The following ANLN variants were observed in gnomAD, a reference collection of about 807,000 sequenced individuals.
ANLN encodes the protein anillin.
A neutral mutation model predicts 135.1 loss-of-function variants in ANLN; 59 were observed. That is an observed-to-expected ratio of 0.44 (90% CI 0.35 to 0.54). ANLN has a LOEUF of 0.54. Ranked by LOEUF, ANLN falls within the 20% of genes least tolerant of loss-of-function variation. ANLN has a pLI of 0.00. For missense variants in ANLN, 1,182 were observed against 1,340.0 expected, an observed-to-expected ratio of 0.88 and a Z score of 1.84; for synonymous variants, 406 against 456.4, an observed-to-expected ratio of 0.89 and a Z score of 1.41.
chr7:36,432,271 CT>C (rs1232335717), intron 20 of ANLN, among the ~76,000 whole-genome samples: 2 of 152,138 alleles, frequency 1.3e-5, no homozygotes, highest in Non-Finnish European at 2.9e-5. Flanking sequence ...GGCAGATATC[CT>C]TTTTCTTCAC....
rs75829944 is a variant in ANLN at position 36,439,068 on chromosome 7, G to A, written c.2884-136G>A. The A allele has an allele frequency of 0.081, 54,612 of 675,660 alleles. 2,687 individuals carry two copies. The highest frequency in any genetic ancestry group is 0.1 in the Non-Finnish European group (39,830 of 379,732). 41.9% of individuals were successfully genotyped at this position (675,660 alleles called of 1,614,324 possible). On this transcript the variant is annotated intron_variant, in intron 20 of 23. Coordinates refer to ENST00000265748, the MANE Select transcript of ANLN (RefSeq NM_018685.5). ...AAGGAACCAATGGCTTTTTGGCCAT[G>A]TCTTTTATACTCCAACTTTAGAAAA...
rs1789327614 is a variant in ANLN at position 36,453,545 on chromosome 7, A to T, written c.*945A>T. 1 of 152,194 alleles carries T rather than the reference A, an allele frequency of 6.6e-6. No individual in the cohort carries two copies. The highest frequency in any genetic ancestry group is 1.5e-5 in the Non-Finnish European group (1 of 68,032). The allele number at this position is 152,194 out of a possible 1,614,324, so 9.4% of individuals were successfully genotyped here. On this transcript the variant is annotated 3_prime_UTR_variant, in exon 24 of 24. Coordinates refer to ENST00000265748, the MANE Select transcript of ANLN (RefSeq NM_018685.5). Reference sequence around the variant, plus strand: ...AAAGTGGAAAATTATTAAGTCACCTATCACCTTTAAACGCCTTTTTTTAAA... The same window carrying T: ...AAAGTGGAAAATTATTAAGTCACCTTTCACCTTTAAACGCCTTTTTTTAAA...
chr7:36,409,343 T>C (rs1398565266), intron 5 of ANLN, among the ~76,000 whole-genome samples: 1 of 152,160 alleles, frequency 6.6e-6, no homozygotes, highest in Non-Finnish European at 1.5e-5. Flanking sequence ...GTGGCTCAAA[T>C]TCTGCCCTTT....
intron 3 of ANLN, among the ~76,000 whole-genome samples, chr7:36,404,514 A>G (rs1787107385): frequency 6.6e-6 from 1 of 152,182 alleles, no homozygotes; most frequent in African/African-American, 2.4e-5. Flanking sequence ...TACGACAGCA[A>G]AACTCCATGA....
At chr7:36,451,881 A>G (rs1183570090) in intron 23 of ANLN, among the ~76,000 whole-genome samples, 1 of 152,246 alleles carries the variant, frequency 6.6e-6, no homozygotes, top group Non-Finnish European at 1.5e-5. Context: ...GTAGCTAAAT[A>G]TGGATGAAAG....
intron 20 of ANLN, among the ~76,000 whole-genome samples, chr7:36,433,030 G>A (rs1410931630): frequency 6.6e-6 from 1 of 152,038 alleles, no homozygotes; most frequent in African/African-American, 2.4e-5. Flanking sequence ...TTTCCAGGCT[G>A]GCCGTGAACT....
chr7:36,417,486 T>A (rs1240706713), intron 9 of ANLN, among the ~76,000 whole-genome samples: 1 of 152,058 alleles, frequency 6.6e-6, no homozygotes, highest in Non-Finnish European at 1.5e-5. Context: ...TATGTTTTCC[T>A]CTGTTTTCAT....
In ANLN at chr7:36,417,162, A is replaced by C. The variant is rs1787678162; in HGVS notation, c.1605A>C (p.Thr535=). The change falls in exon 9 of 24, where the codon ACA becomes ACC. Residue 535 remains threonine, a synonymous_variant. Transcript: ENST00000265748. The part of the protein sequence containing the change: ...FLEEDKSLKV[T]SDPKVEQKIE... ...AAGAGGACAAATCCTTAAAAGTAAC[A>C]TCAGACCCAAAGGTTGAGCAGAAAA... is the stretch of plus-strand genomic sequence containing the variant. 1.2e-6 allele frequency: 2 copies of C among 1,607,630 alleles called. No individual in the cohort carries two copies. Among genetic ancestry groups the C allele is most frequent in the Non-Finnish European group, 1.7e-6 (2 of 1,177,214 alleles).
At chr7:36,408,443 C>A (rs1266749187) in intron 5 of ANLN, among the ~76,000 whole-genome samples, 1 of 152,056 alleles carries the variant, frequency 6.6e-6, no homozygotes, top group African/African-American at 2.4e-5. Context: ...GAAAAAATTG[C>A]TGTTTATTGA....
At chr7:36,443,889 T>C in intron 22 of ANLN, 27 bp downstream of exon 22, 3 of 1,494,764 alleles carry the variant, frequency 2.0e-6, no homozygotes, top group South Asian at 1.2e-5. Context: ...TGTTTAGTGG[T>C]GAAAGCCCTG....
intron 23 of ANLN, among the ~76,000 whole-genome samples, chr7:36,451,599 GCA>G (rs1771397032): frequency 6.6e-6 from 1 of 152,158 alleles, no homozygotes; most frequent in South Asian, 2.1e-4. Context: ...AACACACTTA[GCA>G]CAGTTTCCAG....
intron 2 of ANLN, among the ~76,000 whole-genome samples, chr7:36,397,335 C>T (rs1429136125): frequency 2.6e-5 from 4 of 152,208 alleles, no homozygotes; most frequent in South Asian, 2.1e-4. Context: ...CCAGGATCTT[C>T]GTTTTCACTG....
rs188032328 is a variant in ANLN at position 36,401,373 on chromosome 7, G to A, written c.487+1980G>A. Among the ~76,000 whole-genome samples the A allele has an allele frequency of 2.4e-3, 365 of 152,166 alleles. 2 individuals are homozygous for A. Among genetic ancestry groups the A allele is most frequent in the African/African-American group, 8.4e-3 (347 of 41,512 alleles). On this transcript the variant is annotated intron_variant, in intron 3 of 23. Transcript: ENST00000265748. ...TGTTTTTTTGAGACAGAGTCTCACT[G>A]TGCTGCCCAGGCTGGAGTGCAGTGG...
intron 20 of ANLN, 36 bp from the exon 21 acceptor site, chr7:36,439,168 C>A: frequency 8.5e-7 from 1 of 1,174,024 alleles, no homozygotes; most frequent in Non-Finnish European, 1.3e-6. Context: ...ACACTTTGAA[C>A]CTGTTTTGCA....
chr7:36,394,234 T>A (rs1408871903), intron 1 of ANLN, among the ~76,000 whole-genome samples: 1 of 152,226 alleles, frequency 6.6e-6, no homozygotes, highest in East Asian at 1.9e-4. Context: ...GTCAGTCTTA[T>A]GATCTCTATT....
chr7:36,447,414 G>T (rs933106402), intron 22 of ANLN, among the ~76,000 whole-genome samples: 20 of 133,358 alleles, frequency 1.5e-4, no homozygotes, highest in African/African-American at 4.3e-4. Context: ...TACAGCAGTT[G>T]ATCTTTTTTT....
chr7:36,451,153 G>A (rs1317571179), intron 23 of ANLN, among the ~76,000 whole-genome samples: 1 of 152,214 alleles, frequency 6.6e-6, no homozygotes, highest in Non-Finnish European at 1.5e-5. Context: ...TAAACATTCT[G>A]CAGTTCTGCA....
intron 2 of ANLN, among the ~76,000 whole-genome samples, chr7:36,398,170 GA>G (rs1786787049): frequency 7.3e-6 from 1 of 137,374 alleles, no homozygotes; most frequent in Non-Finnish European, 1.6e-5. Flanking sequence ...GGTTCTGATA[GA>G]TTTTTTTTTT....
chr7:36,452,062 C>T (rs945818507), intron 23 of ANLN, among the ~76,000 whole-genome samples: 5 of 152,186 alleles, frequency 3.3e-5, no homozygotes, highest in African/African-American at 1.2e-4. Flanking sequence ...TCTGTGATTG[C>T]AGCTTTTGGA....
Sources: gnomAD v4.1 joint callset for allele counts (sites outside exome capture counted in the v4.1 genomes callset) on GRCh38, gnomAD v4.1.1 for gene constraint, MANE v1.5 for transcripts, NCBI Gene and HGNC (gene_info 2026-07-23, HGNC 2026-07-21) for gene names.